The following TCF7 variants were observed in gnomAD, a reference collection of about 807,000 sequenced individuals.
TCF7 encodes the protein T-cell-factor-7.
A neutral mutation model predicts 46.8 loss-of-function variants in TCF7; 19 were observed. The ratio of observed to expected loss-of-function variants is 0.41; its 90% CI spans 0.28 to 0.60. The LOEUF is 0.60. Among genes scored for constraint, TCF7 ranks in the 20% least tolerant of loss-of-function variants. The probability of loss-of-function intolerance (pLI) is 0.35; values close to 1 mark genes in which losing one functional copy is unlikely to be tolerated. For missense variants in TCF7, 547 were observed against 504.6 expected (o/e 1.08, Z -0.81); for synonymous variants, 245 against 213.4 (o/e 1.15, Z -1.29).
chr5:134,141,110 G>A, intron 5 of TCF7: 1 of 277,858 alleles, frequency 3.6e-6, no homozygotes, highest in Non-Finnish European at 7.1e-6. Flanking sequence ...GCACCACAGA[G>A]GCCAGGACAG....
At chr5:134,112,816 CTGT>C (rs201763434), upstream of TCF7, among the ~76,000 whole-genome samples, 856 of 152,268 alleles carry the variant, frequency 5.6e-3, 6 homozygotes, top group African/African-American at 0.019. Context: ...AAGAACCTCA[CTGT>C]TGTTGTGACT....
At position 134,146,187 on chromosome 5, in the gene TCF7, C is replaced by T. The variant is rs369899387; in HGVS notation, c.1076-37C>T. ...GTTGTGGTGTATGACTATGAATTCA[C>T]CCTCTGTTTACAGATAACTCTCTTC... On this transcript the variant is annotated intron_variant, in intron 9 of 9. Transcript: ENST00000342854. The T allele has an allele frequency of 8.1e-6, 13 of 1,614,084 alleles. No homozygotes were observed. In the Admixed American group the frequency reaches 1.3e-4, roughly 17 times the overall value.
upstream of TCF7, among the ~76,000 whole-genome samples, chr5:134,113,867 G>A (rs1283851365): frequency 6.6e-6 from 1 of 152,234 alleles, no homozygotes; most frequent in African/African-American, 2.4e-5. Flanking sequence ...CTAGGGTTGA[G>A]TTGCTGTGGA....
intron 3 of TCF7, among the ~76,000 whole-genome samples, chr5:134,124,150 A>G (rs1757007376): frequency 6.6e-6 from 1 of 152,120 alleles, no homozygotes; most frequent in Non-Finnish European, 1.5e-5. Context: ...TGTCTCTAGC[A>G]GAGCTCCAGG....
intron 3 of TCF7, among the ~76,000 whole-genome samples, chr5:134,134,476 C>A (rs56061129): frequency 6.6e-6 from 1 of 152,360 alleles, no homozygotes; most frequent in Non-Finnish European, 1.5e-5. Flanking sequence ...GGCTCAGTCT[C>A]CGTGCCCTCA....
At chr5:134,120,594 G>A (rs896050048) in intron 3 of TCF7, among the ~76,000 whole-genome samples, 4 of 152,084 alleles carry the variant, frequency 2.6e-5, no homozygotes, top group South Asian at 2.1e-4. Context: ...CCCTCCGCTC[G>A]GAAGTCTCTT....
chr5:134,118,132 A>G (rs1327621974), intron 3 of TCF7, among the ~76,000 whole-genome samples: 3 of 151,916 alleles, frequency 2.0e-5, no homozygotes, highest in Non-Finnish European at 4.4e-5. Context: ...AAGTGAATCC[A>G]CCCCCACATT....
intron 3 of TCF7, among the ~76,000 whole-genome samples, chr5:134,130,103 C>T (rs980929502): frequency 6.6e-6 from 1 of 152,292 alleles, no homozygotes; most frequent in Non-Finnish European, 1.5e-5. Context: ...GTGCCTGGAG[C>T]GGGGGCTAGG....
At chr5:134,128,460 C>T (rs1351130592) in intron 3 of TCF7, among the ~76,000 whole-genome samples, 2 of 151,958 alleles carry the variant, frequency 1.3e-5, no homozygotes, top group Non-Finnish European at 2.9e-5. Context: ...CTAGACAGTC[C>T]AGACAGAGCC....
intron 3 of TCF7, among the ~76,000 whole-genome samples, chr5:134,119,377 C>T (rs1008202173): frequency 3.3e-5 from 5 of 152,156 alleles, no homozygotes; most frequent in Non-Finnish European, 5.9e-5. Flanking sequence ...GAGATACTTT[C>T]TGGGGTGATG....
In TCF7 at chr5:134,115,931, C is replaced by G. The variant is rs1381974548; in HGVS notation, c.339C>G (p.Thr113=). Residue 113 remains threonine (T), a synonymous_variant, in exon 3 of 10, where the codon ACC becomes ACG. Coordinates refer to ENST00000342854, the MANE Select transcript of TCF7 (RefSeq NM_003202.5). ...CAGGCCTGAAGGCCCCGGAGTGCAC[C>G]AGCGGCATGTACAAAGAGACCGTCT... ...LEDGLKAPEC[T]SGMYKETVYS... is the part of the protein sequence containing the mutation. 6.2e-7 allele frequency: 1 copy of G among 1,613,978 alleles called. No homozygotes were observed.
chr5:134,143,566 A>G (rs774735203), intron 8 of TCF7, 26 bp from the exon 9 acceptor site: 14 of 1,614,054 alleles, frequency 8.7e-6, no homozygotes, highest in Non-Finnish European at 1.2e-5. Flanking sequence ...CCCAGATCTG[A>G]GCATCCCTCC....
Position 134,115,323 on chromosome 5 carries a change from T to C in TCF7, c.252T>C (p.Ala84=). 6.3e-7 allele frequency: 1 copy of C among 1,581,844 alleles called. No homozygotes were observed. The highest frequency in any genetic ancestry group is 8.6e-7 in the Non-Finnish European group (1 of 1,165,082). Residue 84 remains alanine (A), a splice_region_variant and synonymous_variant, in exon 2 of 10, where the codon GCT becomes GCC. Coordinates refer to ENST00000342854, the MANE Select transcript of TCF7 (RefSeq NM_003202.5). ...AGAGARGEAE[A]LGREHAAQRL... is the part of the protein sequence containing the mutation. ...CTCCCCTCCGGTTCTCCCTCCAGGCTCTCGGGCGGGAACACGCTGCGCAGA... is the reference window on the plus strand; with the variant it reads ...CTCCCCTCCGGTTCTCCCTCCAGGCCCTCGGGCGGGAACACGCTGCGCAGA...
intron 3 of TCF7, among the ~76,000 whole-genome samples, chr5:134,121,678 C>T (rs1756605298): frequency 6.6e-6 from 1 of 152,140 alleles, no homozygotes; most frequent in Non-Finnish European, 1.5e-5. Flanking sequence ...TGCCACGATG[C>T]CACAGGTGTG....
At chr5:134,117,634 G>A (rs995927138) in intron 3 of TCF7, among the ~76,000 whole-genome samples, 2 of 152,194 alleles carry the variant, frequency 1.3e-5, no homozygotes, top group Non-Finnish European at 2.9e-5. Context: ...TGCTGTCAGG[G>A]TATGGGTGAT....
At chr5:134,114,433 G>T (rs1166742670), upstream of TCF7, among the ~76,000 whole-genome samples, 1 of 152,170 alleles carries the variant, frequency 6.6e-6, no homozygotes, top group Non-Finnish European at 1.5e-5. Context: ...GCAGAAAGCA[G>T]GGGGAATATC....
chr5:134,118,773 T>TTTTGTG (rs1175314871), intron 3 of TCF7, among the ~76,000 whole-genome samples: 21 of 152,118 alleles, frequency 1.4e-4, no homozygotes, highest in Admixed American at 1.1e-3. Flanking sequence ...TTTTGTTTTG[T>TTTTGTG]TTTGTGTTTG....
intron 3 of TCF7, among the ~76,000 whole-genome samples, chr5:134,130,928 A>G (rs538094615): frequency 3.5e-4 from 54 of 152,364 alleles, no homozygotes; most frequent in Middle Eastern, 3.4e-3. Context: ...GGCAGGACAG[A>G]TAACAGTCAA....
Position 134,146,404 on chromosome 5 carries a change from A to G in TCF7, c.*101A>G. The stretch of plus-strand genomic sequence containing the variant: ...CTAGCCCTGCGGAGCCGGCACCTAC[A>G]TCCCCAGGTCTCTCCACTGCTCTCA... On this transcript the variant is annotated 3_prime_UTR_variant, in exon 10 of 10. Coordinates refer to ENST00000342854, the MANE Select transcript of TCF7 (RefSeq NM_003202.5). 2 of 1,417,578 alleles carry G rather than the reference A, an allele frequency of 1.4e-6. No individual in the cohort carries two copies. Among genetic ancestry groups the G allele is most frequent in the East Asian group, 2.3e-5 (1 of 43,898 alleles). The allele number at this position is 1,417,578 out of a possible 1,614,324, so 87.8% of individuals were successfully genotyped here. A position where few individuals can be genotyped will look rare whatever the true frequency, so the allele number is the denominator to read the frequency against.
Sources: gnomAD v4.1 joint callset for allele counts (sites outside exome capture counted in the v4.1 genomes callset) on GRCh38, gnomAD v4.1.1 for gene constraint, MANE v1.5 for transcripts, NCBI Gene and HGNC (gene_info 2026-07-23, HGNC 2026-07-21) for gene names.